FBXL17: variants seen among roughly 807,000 people sequenced by gnomAD.
FBXL17 encodes F-box/LRR-repeat protein 17.
Under a neutral mutation model 66.2 loss-of-function variants are expected in FBXL17, and 22 were observed. That is an observed-to-expected ratio of 0.33 (90% CI 0.24 to 0.47). The LOEUF is 0.47. Ranked by LOEUF, FBXL17 falls within the 20% of genes least tolerant of loss-of-function variation. The pLI is 1.00. For synonymous variants in FBXL17, 474 were observed against 400.5 expected (o/e 1.18, Z -2.19); for missense variants, 878 against 948.2 (o/e 0.93, Z 0.97).
intron 7 of FBXL17, among the ~76,000 whole-genome samples, chr5:108,002,545 G>T (rs1753774877): frequency 6.6e-6 from 1 of 152,076 alleles, no homozygotes; most frequent in African/African-American, 2.4e-5. Context: ...TAAGATAAAT[G>T]AGAACACGTG....
chr5:107,959,571 A>C (rs574217022), intron 7 of FBXL17, among the ~76,000 whole-genome samples: 1 of 152,294 alleles, frequency 6.6e-6, no homozygotes, highest in East Asian at 1.9e-4. Context: ...CAATGGTCAC[A>C]CTGTGAAAAG....
intron 7 of FBXL17, among the ~76,000 whole-genome samples, chr5:107,948,971 T>A (rs997601314): frequency 1.3e-5 from 2 of 152,158 alleles, no homozygotes; most frequent in African/African-American, 4.8e-5. Flanking sequence ...TTCTAAAACT[T>A]CTCTCAACCT....
chr5:108,179,654 C>G (rs1752926646), intron 6 of FBXL17, among the ~76,000 whole-genome samples: 1 of 152,130 alleles, frequency 6.6e-6, no homozygotes, highest in Non-Finnish European at 1.5e-5. Context: ...TCTGTTTGAA[C>G]ACTAACAAAG....
At chr5:108,322,482 G>A (rs1759664154) in intron 4 of FBXL17, among the ~76,000 whole-genome samples, 1 of 151,800 alleles carries the variant, frequency 6.6e-6, no homozygotes, top group Admixed American at 6.6e-5. Flanking sequence ...GTAAATACTA[G>A]CTACTCTTTG....
At chr5:107,998,093 T>C (rs1379626482) in intron 7 of FBXL17, among the ~76,000 whole-genome samples, 1 of 152,214 alleles carries the variant, frequency 6.6e-6, no homozygotes, top group East Asian at 1.9e-4. Flanking sequence ...AGACTTACTA[T>C]AAGTAAAGAA....
chr5:107,928,411 A>G (rs945540277), intron 7 of FBXL17, among the ~76,000 whole-genome samples: 4 of 147,294 alleles, frequency 2.7e-5, no homozygotes, highest in African/African-American at 9.8e-5. Context: ...ACAAAAAGCT[A>G]CATACTTTGT....
chr5:108,064,107 T>C (rs1164467181), intron 6 of FBXL17, among the ~76,000 whole-genome samples: 2 of 152,158 alleles, frequency 1.3e-5, no homozygotes, highest in African/African-American at 4.8e-5. Flanking sequence ...TAACTTTCAC[T>C]CGATATTTTA....
chr5:108,163,310 A>G (rs1479525902), intron 6 of FBXL17, among the ~76,000 whole-genome samples: 1 of 152,196 alleles, frequency 6.6e-6, no homozygotes, highest in Non-Finnish European at 1.5e-5. Context: ...TTGTGACACC[A>G]AAGGCAAGGA....
chr5:108,102,025 G>A (rs753637145), intron 6 of FBXL17, among the ~76,000 whole-genome samples: 26 of 152,202 alleles, frequency 1.7e-4, no homozygotes, highest in Non-Finnish European at 3.2e-4. Flanking sequence ...TGGTGCGGCA[G>A]GGAATTTAAG....
intron 6 of FBXL17, among the ~76,000 whole-genome samples, chr5:108,097,490 C>A (rs770694673): frequency 6.6e-6 from 1 of 152,006 alleles, no homozygotes; most frequent in Non-Finnish European, 1.5e-5. Flanking sequence ...CTGATCTCAA[C>A]TTAAAGATTA....
chr5:108,373,474 A>G (rs956005240), intron 1 of FBXL17, among the ~76,000 whole-genome samples: 1 of 150,316 alleles, frequency 6.7e-6, no homozygotes, highest in Middle Eastern at 3.4e-3. Context: ...GGTACACTAG[A>G]AAATATCTGA....
intron 4 of FBXL17, among the ~76,000 whole-genome samples, chr5:108,314,734 G>A (rs1759279804): frequency 6.6e-6 from 1 of 151,174 alleles, no homozygotes; most frequent in African/African-American, 2.4e-5. Context: ...TTAAAATCAG[G>A]CAAGAAAGTT....
intron 4 of FBXL17, among the ~76,000 whole-genome samples, chr5:108,346,833 A>C (rs527887910): frequency 6.6e-6 from 1 of 152,234 alleles, no homozygotes; most frequent in East Asian, 1.9e-4. Flanking sequence ...TCACTATGCA[A>C]GTGAGTGGAT....
chr5:107,924,178 C>A (rs1750419598), intron 7 of FBXL17, among the ~76,000 whole-genome samples: 1 of 151,512 alleles, frequency 6.6e-6, no homozygotes, highest in South Asian at 2.1e-4. Context: ...AGCCACTACG[C>A]CCGACTTTGC....
rs1748062555 is a variant in FBXL17 at position 107,859,452 on chromosome 5, T to A, written c.*2268A>T. ...GCTTTGAGGCTGGATATGGTATTTC[T>A]ACGGATTTCTACAAATGTACCAAAG... On this transcript the variant is annotated 3_prime_UTR_variant, in exon 9 of 9. Transcript: ENST00000542267. The A allele has an allele frequency of 7.1e-6, 1 of 141,692 alleles. No individual in the cohort carries two copies. The allele number at this position is 141,692 out of a possible 1,614,324, so 8.8% of individuals were successfully genotyped here.
chr5:108,310,855 C>A (rs1759081533), intron 4 of FBXL17, among the ~76,000 whole-genome samples: 1 of 152,126 alleles, frequency 6.6e-6, no homozygotes, highest in African/African-American at 2.4e-5. Flanking sequence ...ATATGAATTG[C>A]CTCCAGCCCA....
chr5:108,185,779 A>T (rs1200767037), intron 6 of FBXL17, among the ~76,000 whole-genome samples: 1 of 152,206 alleles, frequency 6.6e-6, no homozygotes, highest in African/African-American at 2.4e-5. Flanking sequence ...AATGTTGCAA[A>T]AATGTTAAAG....
chr5:108,001,212 C>T, intron 7 of FBXL17, among the ~76,000 whole-genome samples: 1 of 151,980 alleles, frequency 6.6e-6, no homozygotes, highest in East Asian at 1.9e-4. Flanking sequence ...TGTAAAACAC[C>T]TTCAACTACT....
intron 7 of FBXL17, among the ~76,000 whole-genome samples, chr5:107,968,349 G>A (rs1240837922): frequency 6.6e-6 from 1 of 152,048 alleles, no homozygotes; most frequent in Non-Finnish European, 1.5e-5. Flanking sequence ...TTCAAAAAAA[G>A]AAGTTTACTT....
Sources: gnomAD v4.1 joint callset for allele counts (sites outside exome capture counted in the v4.1 genomes callset) on GRCh38, gnomAD v4.1.1 for gene constraint, MANE v1.5 for transcripts, NCBI Gene and HGNC (gene_info 2026-07-23, HGNC 2026-07-21) for gene names.